CAPZB: variants seen among roughly 807,000 people sequenced by gnomAD.
The protein encoded by CAPZB is capping actin protein of muscle Z-line subunit beta.
In CAPZB, 2 loss-of-function variants were observed where a neutral mutation model predicts 38.1. That is an observed-to-expected ratio of 0.05 (90% CI 0.02 to 0.17). The LOEUF (loss-of-function observed/expected upper bound fraction) is 0.17, where lower values mean the gene tolerates loss of function less well. CAPZB is among the 10% of genes least tolerant of loss of function. The pLI, the probability that CAPZB is intolerant of heterozygous loss-of-function variation, is 1.00. For synonymous variants in CAPZB, 107 were observed against 127.4 expected (o/e 0.84, Z 1.08); for missense variants, 161 against 334.2 (o/e 0.48, Z 4.04).
intron 1 of CAPZB, among the ~76,000 whole-genome samples, chr1:19,479,758 G>A (rs1570383027): frequency 6.6e-6 from 1 of 152,088 alleles, no homozygotes; most frequent in East Asian, 1.9e-4. Context: ...CGCTCTGCCA[G>A]CCTCCTCGAA....
chr1:19,438,047 C>T (rs142463019), intron 1 of CAPZB, among the ~76,000 whole-genome samples: 115 of 152,280 alleles, frequency 7.6e-4, no homozygotes, highest in Non-Finnish European at 1.2e-3. Context: ...ACGAGGAATC[C>T]ATCCATCCAA....
chr1:19,404,232 CAAAAAA>C (rs35225006), intron 2 of CAPZB, among the ~76,000 whole-genome samples: 6 of 62,428 alleles, frequency 9.6e-5, no homozygotes, highest in African/African-American at 2.1e-4. Context: ...GACTCCATCT[CAAAAAA>C]AAAAAAAAAA....
In CAPZB at chr1:19,339,239, T is replaced by G; in HGVS notation, c.*291A>C. The G allele has an allele frequency of 4.8e-6, 2 of 412,732 alleles. No individual in the cohort carries two copies. Among genetic ancestry groups the G allele is most frequent in the Non-Finnish European group, 8.8e-6 (2 of 227,914 alleles). The allele number at this position is 412,732 out of a possible 1,614,324, so 25.6% of individuals were successfully genotyped here. A position where few individuals can be genotyped will look rare whatever the true frequency, so the allele number is the denominator to read the frequency against. On this transcript the variant is annotated 3_prime_UTR_variant, in exon 9 of 9. Coordinates refer to ENST00000264202, the MANE Select transcript of CAPZB (RefSeq NM_004930.5). ...TGGCAGACAGTGGATTTTATGCCTATAAATGGGGGGACAGGGAGGAAGACG... is the reference window on the plus strand; with the variant it reads ...TGGCAGACAGTGGATTTTATGCCTAGAAATGGGGGGACAGGGAGGAAGACG...
intron 1 of CAPZB, among the ~76,000 whole-genome samples, chr1:19,436,964 C>G (rs12137192): frequency 0.23 from 35,427 of 152,124 alleles, 4,502 homozygotes; most frequent in Non-Finnish European, 0.28. Context: ...ACCTGTGGAG[C>G]CTGGATGGTT....
At chr1:19,456,211 C>T (rs1337026732) in intron 1 of CAPZB, among the ~76,000 whole-genome samples, 1 of 152,182 alleles carries the variant, frequency 6.6e-6, no homozygotes, top group Non-Finnish European at 1.5e-5. Context: ...CAGGCCCGGT[C>T]CACAAGGCTC....
intron 1 of CAPZB, among the ~76,000 whole-genome samples, chr1:19,472,437 G>T (rs1212318034): frequency 6.6e-6 from 1 of 152,312 alleles, no homozygotes; most frequent in South Asian, 2.1e-4. Context: ...GGCCGCAGGT[G>T]TAACACAGCC....
intron 1 of CAPZB, among the ~76,000 whole-genome samples, chr1:19,447,352 T>C (rs1413786536): frequency 7.3e-6 from 1 of 137,872 alleles, no homozygotes; most frequent in African/African-American, 2.7e-5. Flanking sequence ...CCTGAGCAGC[T>C]GGGATTACAG....
At position 19,442,351 on chromosome 1, in the gene CAPZB, C is replaced by CTT. The variant is rs1558265542; in HGVS notation, c.4-22602_4-22601insAA. Among the ~76,000 whole-genome samples, 29 of 152,002 alleles carry CTT rather than the reference C, an allele frequency of 1.9e-4. No homozygotes were observed. In the South Asian group the frequency reaches 5.4e-3, roughly 28 times the overall value. On this transcript the variant is annotated intron_variant, in intron 1 of 8. Coordinates refer to ENST00000264202, the MANE Select transcript of CAPZB (RefSeq NM_004930.5). ...TGATTCGAGCTGGGGAGTGGGGGGGCGTGGAGTGAGCAGGAGCAGCTGAAA... is the reference window on the plus strand; with the variant it reads ...TGATTCGAGCTGGGGAGTGGGGGGGCTTGTGGAGTGAGCAGGAGCAGCTGAAA...
intron 3 of CAPZB, among the ~76,000 whole-genome samples, chr1:19,384,697 A>T (rs1214592037): frequency 6.6e-6 from 1 of 152,190 alleles, no homozygotes; most frequent in Non-Finnish European, 1.5e-5. Flanking sequence ...ATAAACCTAA[A>T]GCAGGCTGTG....
At chr1:19,390,686 G>A (rs530937882) in intron 2 of CAPZB, among the ~76,000 whole-genome samples, 33 of 152,302 alleles carry the variant, frequency 2.2e-4, no homozygotes, top group African/African-American at 7.9e-4. Flanking sequence ...CTGGAAAGAC[G>A]GGTGGGGAGT....
intron 6 of CAPZB, among the ~76,000 whole-genome samples, chr1:19,350,200 TGGCCCTAAGGCATG>T (rs1241989313): frequency 1.3e-5 from 2 of 152,376 alleles, no homozygotes; most frequent in Admixed American, 1.3e-4. Flanking sequence ...CCGCAGGGCG[TGGCCCTAAGGCATG>T]GGCCCCACTC....
intron 1 of CAPZB, among the ~76,000 whole-genome samples, chr1:19,459,684 C>T (rs1170005885): frequency 6.6e-6 from 1 of 152,164 alleles, no homozygotes; most frequent in Non-Finnish European, 1.5e-5. Flanking sequence ...GTCCCCCTTA[C>T]CTGCAGTTTC....
chr1:19,361,047 A>G (rs1238281489), intron 4 of CAPZB, among the ~76,000 whole-genome samples: 2 of 152,202 alleles, frequency 1.3e-5, no homozygotes, highest in Admixed American at 6.5e-5. Context: ...CAGCAAGAGT[A>G]CCATGCTGAA....
chr1:19,484,180 T>C (rs2094641643), intron 1 of CAPZB: 1 of 1,610,756 alleles, frequency 6.2e-7, no homozygotes, highest in Admixed American at 1.7e-5. Context: ...TCCCTAGGCG[T>C]TCTGCTCACC....
chr1:19,476,287 A>G (rs1015744171), intron 1 of CAPZB, among the ~76,000 whole-genome samples: 14 of 152,220 alleles, frequency 9.2e-5, no homozygotes, highest in Admixed American at 8.5e-4. Flanking sequence ...ACTGTGGCAC[A>G]TGCCTGTTAT....
At chr1:19,347,648 A>G (rs1258264977) in intron 6 of CAPZB, among the ~76,000 whole-genome samples, 1 of 152,236 alleles carries the variant, frequency 6.6e-6, no homozygotes, top group Non-Finnish European at 1.5e-5. Context: ...GTAAAGGCCC[A>G]GCTGAGAGAA....
chr1:19,455,786 G>C (rs2094531258), intron 1 of CAPZB, among the ~76,000 whole-genome samples: 2 of 152,184 alleles, frequency 1.3e-5, no homozygotes. Context: ...GCCACATCCA[G>C]TACCACAGGC....
chr1:19,438,556 G>T (rs1028040776), intron 1 of CAPZB, among the ~76,000 whole-genome samples: 1 of 152,196 alleles, frequency 6.6e-6, no homozygotes, highest in Non-Finnish European at 1.5e-5. Flanking sequence ...GGACCAAGGG[G>T]CTCTGAAAAA....
intron 1 of CAPZB, among the ~76,000 whole-genome samples, chr1:19,475,667 T>G (rs1395688887): frequency 6.6e-6 from 1 of 152,172 alleles, no homozygotes; most frequent in Non-Finnish European, 1.5e-5. Flanking sequence ...GGCCCAGAGA[T>G]CTGGACATGG....
Sources: allele counts gnomAD v4.1 joint callset (sites outside exome capture counted in the v4.1 genomes callset), GRCh38; gene constraint gnomAD v4.1.1; transcripts MANE v1.5; gene names NCBI Gene and HGNC (gene_info 2026-07-23, HGNC 2026-07-21).